The following AUTS2 variants were observed in gnomAD, a reference collection of about 807,000 sequenced individuals.
AUTS2 encodes autism susceptibility gene 2 protein.
Under a neutral mutation model 112.4 loss-of-function variants are expected in AUTS2, and 17 were observed. The observed-to-expected ratio is 0.15, with a 90% confidence interval of 0.10 to 0.23. The LOEUF is 0.23. AUTS2 is among the 10% of genes least tolerant of loss of function. AUTS2 has a pLI of 1.00. For missense variants in AUTS2, 1,510 were observed against 1,701.6 expected (o/e 0.89, Z 1.98); for synonymous variants, 751 against 702.7 (o/e 1.07, Z -1.09).
intron 1 of AUTS2, among the ~76,000 whole-genome samples, chr7:69,875,520 A>T (rs1174272449): frequency 6.6e-6 from 1 of 152,202 alleles, no homozygotes; most frequent in Admixed American, 6.5e-5. Flanking sequence ...CATGGGACTT[A>T]AAAGATTTAT....
intron 2 of AUTS2, among the ~76,000 whole-genome samples, chr7:70,011,088 C>T (rs1262400324): frequency 6.6e-6 from 1 of 152,108 alleles, no homozygotes; most frequent in East Asian, 1.9e-4. Flanking sequence ...ATGTGTTGAT[C>T]TGAAATTAAG....
At chr7:70,783,915 T>A (rs1283223404) in intron 15 of AUTS2, 2 of 152,160 alleles carry the variant, frequency 1.3e-5, no homozygotes, top group Non-Finnish European at 2.9e-5. Context: ...TAATTCACAT[T>A]TGCACACTCT....
intron 5 of AUTS2, among the ~76,000 whole-genome samples, chr7:70,557,929 A>G (rs112775470): frequency 1.2e-4 from 19 of 152,312 alleles, no homozygotes; most frequent in African/African-American, 3.8e-4. Context: ...CTAAATCGCC[A>G]AGAACACTCA....
At chr7:69,642,168 C>T (rs1242718285) in intron 1 of AUTS2, among the ~76,000 whole-genome samples, 1 of 152,130 alleles carries the variant, frequency 6.6e-6, no homozygotes, top group Non-Finnish European at 1.5e-5. Context: ...GGTTAAATGG[C>T]TTTGTTCATT....
chr7:70,081,498 T>C (rs904733206), intron 2 of AUTS2, among the ~76,000 whole-genome samples: 3 of 150,554 alleles, frequency 2.0e-5, no homozygotes, highest in Non-Finnish European at 4.4e-5. Context: ...GAGATGGAGG[T>C]TGTAGTGAGC....
At chr7:70,413,539 T>A (rs1464089172) in intron 4 of AUTS2, among the ~76,000 whole-genome samples, 1 of 152,210 alleles carries the variant, frequency 6.6e-6, no homozygotes, top group Non-Finnish European at 1.5e-5. Flanking sequence ...GTAGTTAATA[T>A]CCCTGGGGGG....
chr7:69,746,242 CATTT>C (rs1303442990), intron 1 of AUTS2, among the ~76,000 whole-genome samples: 4 of 152,070 alleles, frequency 2.6e-5, no homozygotes, highest in African/African-American at 9.7e-5. Context: ...TGTGTTCTCT[CATTT>C]ATTAATTCAT....
At chr7:70,513,393 A>G (rs73177704) in intron 5 of AUTS2, among the ~76,000 whole-genome samples, 6,976 of 152,272 alleles carry the variant, frequency 0.046, 204 homozygotes, top group Non-Finnish European at 0.067. Flanking sequence ...GTTTTCCATA[A>G]TTGAAGATAG....
At chr7:70,049,958 G>A (rs1801673750) in intron 2 of AUTS2, among the ~76,000 whole-genome samples, 1 of 152,136 alleles carries the variant, frequency 6.6e-6, no homozygotes, top group Admixed American at 6.5e-5. Context: ...AAGATACATA[G>A]GAAGATAATT....
chr7:70,097,227 A>G (rs1804251213), intron 2 of AUTS2, among the ~76,000 whole-genome samples: 1 of 152,254 alleles, frequency 6.6e-6, no homozygotes, highest in South Asian at 2.1e-4. Context: ...ATCAGTATGA[A>G]TGAATCAAGA....
At chr7:70,267,291 T>C (rs1562834626) in intron 4 of AUTS2, among the ~76,000 whole-genome samples, 1 of 151,960 alleles carries the variant, frequency 6.6e-6, no homozygotes, top group Non-Finnish European at 1.5e-5. Flanking sequence ...TTTTTTTTTT[T>C]CCTGAAGTAT....
intron 1 of AUTS2, among the ~76,000 whole-genome samples, chr7:69,858,798 A>G (rs1009057267): frequency 3.3e-5 from 5 of 152,000 alleles, no homozygotes; most frequent in African/African-American, 1.2e-4. Flanking sequence ...GGCTTGCCTC[A>G]CTCTTTGGAA....
intron 11 of AUTS2, among the ~76,000 whole-genome samples, chr7:70,772,075 A>G (rs1322923910): frequency 6.6e-6 from 1 of 152,210 alleles, no homozygotes; most frequent in African/African-American, 2.4e-5. Flanking sequence ...AGGTTCCACA[A>G]CTAAAATTGT....
intron 6 of AUTS2, among the ~76,000 whole-genome samples, chr7:70,727,406 A>G (rs978643780): frequency 1.3e-5 from 2 of 152,084 alleles, no homozygotes; most frequent in Non-Finnish European, 2.9e-5. Context: ...CTGGAGTGCA[A>G]TGGTGCAGTC....
intron 5 of AUTS2, among the ~76,000 whole-genome samples, chr7:70,445,704 G>A (rs1275106637): frequency 6.6e-6 from 1 of 152,154 alleles, no homozygotes; most frequent in Non-Finnish European, 1.5e-5. Context: ...GACTTAGCAT[G>A]AACCATATTT....
chr7:70,340,194 A>ACACACACACACACACACACC (rs942358361), intron 4 of AUTS2, among the ~76,000 whole-genome samples: 2 of 151,006 alleles, frequency 1.3e-5, no homozygotes, highest in African/African-American at 4.9e-5. Context: ...ACACACACAC[A>ACACACACACACACACACACC]CCCCGTAATA....
intron 1 of AUTS2, among the ~76,000 whole-genome samples, chr7:69,665,022 G>A (rs1160164879): frequency 6.6e-6 from 1 of 152,136 alleles, no homozygotes; most frequent in Admixed American, 6.5e-5. Flanking sequence ...TTGGCATCAG[G>A]CTAACTTTGG....
chr7:69,766,575 T>C (rs1265773743), intron 1 of AUTS2, among the ~76,000 whole-genome samples: 1 of 152,168 alleles, frequency 6.6e-6, no homozygotes, highest in Non-Finnish European at 1.5e-5. Flanking sequence ...AAATTCATCG[T>C]TTTGGGCCTT....
At chr7:70,431,685 G>A (rs757230921) in intron 4 of AUTS2, among the ~76,000 whole-genome samples, 11 of 152,194 alleles carry the variant, frequency 7.2e-5, no homozygotes, top group Admixed American at 1.3e-4. Context: ...TCACCCGGCC[G>A]TAAATTTGTA....
Sources: allele counts gnomAD v4.1 joint callset (sites outside exome capture counted in the v4.1 genomes callset), GRCh38; gene constraint gnomAD v4.1.1; transcripts MANE v1.5; gene names NCBI Gene and HGNC (gene_info 2026-07-23, HGNC 2026-07-21).